PCM1: variants seen among roughly 807,000 people sequenced by gnomAD.
The protein encoded by PCM1 is pericentriolar material 1, also known as pericentriolar material 1 protein.
In PCM1, 157 loss-of-function variants were observed where a neutral mutation model predicts 241.9. The observed-to-expected ratio is 0.65, with a 90% CI of 0.57 to 0.74. The LOEUF (loss-of-function observed/expected upper bound fraction) is 0.74. PCM1 is among the 30% of genes least tolerant of loss of function. The pLI is 0.00. For missense variants in PCM1, 3,478 were observed against 2,360.1 expected, an observed-to-expected ratio of 1.47 and a Z score of -9.81; for synonymous variants, 1,085 against 784.9, an observed-to-expected ratio of 1.38 and a Z score of -6.39.
intron 29 of PCM1, among the ~76,000 whole-genome samples, chr8:18,000,648 G>A (rs1053543662): frequency 6.6e-6 from 1 of 151,912 alleles, no homozygotes; most frequent in African/African-American, 2.4e-5. Flanking sequence ...TGAGACAGAG[G>A]CTCACTCTTA....
chr8:18,027,628 G>GT lies in PCM1; in HGVS notation c.6050-4dup. On this transcript the variant is annotated splice_polypyrimidine_tract_variant and intron_variant, in intron 38 of 38. Coordinates refer to ENST00000325083, the MANE Select transcript of PCM1 (RefSeq NM_006197.4). ...GTAATTTATAAAGCATTTTTATTCT[G>GT]TTTTTCAGAAACGGTGGGAGCCCAG... 1.3e-6 allele frequency: 2 copies of GT among 1,570,864 alleles called. No homozygotes were observed. Among genetic ancestry groups the GT allele is most frequent in the Non-Finnish European group, 1.7e-6 (2 of 1,149,630 alleles).
At chr8:17,937,936 A>G (rs889844545) in intron 4 of PCM1, among the ~76,000 whole-genome samples, 2 of 152,192 alleles carry the variant, frequency 1.3e-5, no homozygotes, top group East Asian at 1.9e-4. Flanking sequence ...GGTAATGATC[A>G]TGTATCATTT....
intron 21 of PCM1, among the ~76,000 whole-genome samples, chr8:17,968,515 A>G (rs1332679259): frequency 1.3e-5 from 2 of 152,114 alleles, no homozygotes; most frequent in Non-Finnish European, 2.9e-5. Flanking sequence ...GAAAGACATT[A>G]TAGTGATAGA....
chr8:17,955,532 G>A lies in PCM1; in HGVS notation c.1351G>A (p.Ala451Thr), dbSNP rs1387173208. 1 of 1,613,542 alleles carries A rather than the reference G, an allele frequency of 6.2e-7. No homozygotes were observed. Residue 451 changes from alanine to threonine, a missense_variant, in exon 10 of 39, where the codon GCA (alanine) becomes ACA (threonine). Transcript: ENST00000325083. ...TSAPSASVGL[A>T]PVVNGESNSL... ...AGCTCCCTCTGCTTCTGTAGGCTTG[G>A]CACCGGTTGTCAATGGAGAATCCAA...
chr8:18,013,434 A>C (rs1027500627), intron 34 of PCM1, among the ~76,000 whole-genome samples: 1 of 152,148 alleles, frequency 6.6e-6, no homozygotes, highest in Non-Finnish European at 1.5e-5. Flanking sequence ...CTAAAATATA[A>C]TCTGCCATTT....
intron 8 of PCM1, among the ~76,000 whole-genome samples, chr8:17,952,224 A>AAAATAAATAAATAAATAAATAAATAAAT (rs148620624): frequency 6.8e-6 from 1 of 146,972 alleles, no homozygotes; most frequent in African/African-American, 2.5e-5. Flanking sequence ...CTTTGTCTCA[A>AAAATAAATAAATAAATAAATAAATAAAT]AAATAAATAA....
At position 18,028,698 on chromosome 8, in the gene PCM1, A is replaced by G. The variant is rs1213975479; in HGVS notation, c.*1036A>G. The G allele has an allele frequency of 9.8e-6, 2 of 203,126 alleles. No homozygotes were observed. Among genetic ancestry groups the G allele is most frequent in the Non-Finnish European group, 2.0e-5 (2 of 98,946 alleles). 12.6% of individuals were successfully genotyped at this position (203,126 alleles called of 1,614,324 possible). On this transcript the variant is annotated 3_prime_UTR_variant, in exon 39 of 39. Transcript: ENST00000325083. ...TTTATCCCAAACTGTCCATATACCCAGTAAGGCTTCAAAAAACCAGTCAAC... is the reference window on the plus strand; with the variant it reads ...TTTATCCCAAACTGTCCATATACCCGGTAAGGCTTCAAAAAACCAGTCAAC...
chr8:17,989,788 A>G lies in PCM1; in HGVS notation c.4411-71A>G, dbSNP rs373217900. ...TACAATTTTATGTAAATACTTAGTT[A>G]TCTCTGTTAGATTATTAATATGAAA... On this transcript the variant is annotated intron_variant, in intron 26 of 38. Transcript: ENST00000325083. The G allele has an allele frequency of 1.6e-4, 172 of 1,047,042 alleles. No individual in the cohort carries two copies. In the East Asian group the frequency reaches 3.2e-3, roughly 20 times the overall value. 64.9% of individuals were successfully genotyped at this position (1,047,042 alleles called of 1,614,324 possible).
At chr8:17,964,492 G>C in intron 17 of PCM1, 76 bp from the exon 18 acceptor site, 1 of 1,066,816 alleles carries the variant, frequency 9.4e-7, no homozygotes, top group Non-Finnish European at 1.4e-6. Flanking sequence ...TTGAAACAAT[G>C]TCTGGCACAT....
At chr8:18,018,173 A>T (rs2093405860) in intron 36 of PCM1, among the ~76,000 whole-genome samples, 1 of 152,198 alleles carries the variant, frequency 6.6e-6, no homozygotes, top group Admixed American at 6.5e-5. Flanking sequence ...ACAATATGAC[A>T]CTAAATTGAG....
chr8:17,933,224 T>A (rs61558554), intron 2 of PCM1, among the ~76,000 whole-genome samples: 18 of 152,266 alleles, frequency 1.2e-4, no homozygotes, highest in African/African-American at 4.3e-4. Context: ...TGTTACTAGT[T>A]TTTCTTACTA....
intron 21 of PCM1, among the ~76,000 whole-genome samples, chr8:17,968,214 A>G (rs1314561915): frequency 2.6e-5 from 4 of 152,196 alleles, no homozygotes; most frequent in African/African-American, 7.2e-5. Flanking sequence ...AAGTGTGGCT[A>G]GTATTTAGGG....
chr8:18,021,761 G>A (rs775124914), intron 36 of PCM1, among the ~76,000 whole-genome samples: 1 of 152,082 alleles, frequency 6.6e-6, no homozygotes, highest in Non-Finnish European at 1.5e-5. Context: ...TTTACCACTA[G>A]CCCTAATGGC....
chr8:17,984,425 G>A (rs922491662), intron 24 of PCM1, among the ~76,000 whole-genome samples: 3 of 151,864 alleles, frequency 2.0e-5, no homozygotes, highest in Non-Finnish European at 4.4e-5. Flanking sequence ...GAACTTTAGT[G>A]TATCACTTGA....
At chr8:17,953,937 T>C (rs2067030673) in intron 9 of PCM1, among the ~76,000 whole-genome samples, 1 of 152,218 alleles carries the variant, frequency 6.6e-6, no homozygotes. Flanking sequence ...AGATGAGGGA[T>C]TTAAAAATAA....
chr8:17,958,001 C>T (rs377184181), intron 13 of PCM1, among the ~76,000 whole-genome samples: 1 of 152,112 alleles, frequency 6.6e-6, no homozygotes, highest in Non-Finnish European at 1.5e-5. Flanking sequence ...GATATAGTAT[C>T]TGTCACAATT....
chr8:17,944,820 A>G (rs913732412), intron 6 of PCM1, among the ~76,000 whole-genome samples: 4 of 152,114 alleles, frequency 2.6e-5, no homozygotes, highest in Non-Finnish European at 4.4e-5. Context: ...TTAAGTAGTA[A>G]TATTTCACTA....
chr8:17,933,894 A>C (rs529127377), intron 2 of PCM1, among the ~76,000 whole-genome samples: 9 of 152,258 alleles, frequency 5.9e-5, no homozygotes, highest in African/African-American at 2.2e-4. Context: ...TTTTAAGCAT[A>C]ATGTTGACTG....
intron 21 of PCM1, 133 bp downstream of exon 21, chr8:17,967,303 C>CTT (rs1747399168): frequency 9.9e-6 from 6 of 603,584 alleles, no homozygotes; most frequent in South Asian, 7.3e-5. Context: ...AAGTTACAAA[C>CTT]TCTTTTTTTT....
Sources: allele counts gnomAD v4.1 joint callset (sites outside exome capture counted in the v4.1 genomes callset), GRCh38; gene constraint gnomAD v4.1.1; transcripts MANE v1.5; gene names NCBI Gene and HGNC (gene_info 2026-07-23, HGNC 2026-07-21).